RASEF: variants seen among roughly 807,000 people sequenced by gnomAD.
RASEF encodes ras and EF-hand domain-containing protein.
In RASEF, 68 loss-of-function variants were observed where a neutral mutation model predicts 90.1. That is an observed-to-expected ratio of 0.75 (90% confidence interval 0.62 to 0.92). RASEF has a LOEUF of 0.92. Ranked by LOEUF, RASEF falls within the 40% of genes least tolerant of loss-of-function variation. The pLI, the probability that RASEF is intolerant of heterozygous loss-of-function variation, is 0.00. For missense variants in RASEF, 949 were observed against 937.2 expected (o/e 1.01, Z -0.16); for synonymous variants, 331 against 345.2 (o/e 0.96, Z 0.46).
intron 3 of RASEF, among the ~76,000 whole-genome samples, chr9:83,018,564 G>T (rs940734939): frequency 6.6e-6 from 1 of 151,696 alleles, no homozygotes; most frequent in East Asian, 1.9e-4. Context: ...GTTTTTGTTT[G>T]CTTTTTTTTT....
the RASEF span, among the ~76,000 whole-genome samples, chr9:83,157,036 G>C: frequency 4.5e-4 from 68 of 152,284 alleles, no homozygotes; most frequent in Middle Eastern, 6.8e-3. Context: ...TAAAGTCCTA[G>C]ATACAGGAGA....
chr9:83,058,578 C>T (rs1830145339), intron 1 of RASEF, among the ~76,000 whole-genome samples: 1 of 152,186 alleles, frequency 6.6e-6, no homozygotes, highest in South Asian at 2.1e-4. Context: ...AGCAACTACA[C>T]TATTACAAAA....
chr9:83,065,189 A>G (rs535450651), upstream of RASEF, among the ~76,000 whole-genome samples: 1 of 152,320 alleles, frequency 6.6e-6, no homozygotes, highest in East Asian at 1.9e-4. Flanking sequence ...GATATCAGTT[A>G]TTTATCACTG....
At chr9:83,137,735 C>A in the RASEF span, among the ~76,000 whole-genome samples, 1 of 150,278 alleles carries the variant, frequency 6.7e-6, no homozygotes, top group African/African-American at 2.5e-5. Flanking sequence ...AGATGGGAGA[C>A]TGGACATGCA....
chr9:83,060,074 T>C (rs1830178461), intron 1 of RASEF, among the ~76,000 whole-genome samples: 1 of 152,056 alleles, frequency 6.6e-6, no homozygotes, highest in African/African-American at 2.4e-5. Context: ...AACCAAACAT[T>C]TTCCTATTTA....
chr9:83,214,307 C>T, the RASEF span, among the ~76,000 whole-genome samples: 1 of 152,156 alleles, frequency 6.6e-6, no homozygotes, highest in African/African-American at 2.4e-5. Flanking sequence ...TTGCTTAAAA[C>T]CCTAGAGGCA....
chr9:83,066,507 C>T (rs1830283341), upstream of RASEF, among the ~76,000 whole-genome samples: 1 of 152,168 alleles, frequency 6.6e-6, no homozygotes, highest in Non-Finnish European at 1.5e-5. Context: ...ATAGGAGGTG[C>T]TTCTTTTTAT....
At chr9:83,064,119 TTAAG>T (rs1256946835), upstream of RASEF, among the ~76,000 whole-genome samples, 1 of 152,214 alleles carries the variant, frequency 6.6e-6, no homozygotes, top group Non-Finnish European at 1.5e-5. Context: ...AATGTGATCA[TTAAG>T]TAAGGGATAT....
Position 83,007,485 on chromosome 9 carries a change from G to A in RASEF, c.980C>T (p.Ala327Val), listed in dbSNP as rs770820253. The A allele has an allele frequency of 7.4e-6, 12 of 1,612,744 alleles. No homozygotes were observed. The East Asian group carries it at 2.2e-4, about 30-fold the overall frequency. Residue 327 changes from alanine to valine, a missense_variant, in exon 7 of 17, where the codon GCA (alanine) becomes GTA (valine). Physicochemically the swap from Ala to Val is moderately conservative, Grantham distance 64. This residue lies in a region of RASEF where 656 missense variants were observed against 592.2 expected (regional missense o/e 1.11). Transcript: ENST00000376447. ...NTERDLEIIR[A>V]YTEDRNSLER... ...AAGACTATTTCGATCTTCTGTGTATGCTCGGATTATTTCCAGATCCCTGTA... is the reference window on the plus strand; with the variant it reads ...AAGACTATTTCGATCTTCTGTGTATACTCGGATTATTTCCAGATCCCTGTA...
the RASEF span, among the ~76,000 whole-genome samples, chr9:83,089,330 A>G: frequency 6.6e-6 from 1 of 152,098 alleles, no homozygotes; most frequent in Non-Finnish European, 1.5e-5. Flanking sequence ...AAACAAAAAA[A>G]ATTTATACTG....
the RASEF span, among the ~76,000 whole-genome samples, chr9:83,087,405 TTCTCTCTCTC>T: frequency 2.3e-3 from 268 of 115,604 alleles, 2 homozygotes; most frequent in African/African-American, 8.5e-3. Context: ...TTCTCATTCA[TTCTCTCTCTC>T]TCTCTCTCTC....
chr9:83,141,479 G>A, the RASEF span, among the ~76,000 whole-genome samples: 1 of 152,216 alleles, frequency 6.6e-6, no homozygotes, highest in Admixed American at 6.5e-5. Context: ...TTCTGGCTAT[G>A]GCTGAGTGAG....
intron 1 of RASEF, among the ~76,000 whole-genome samples, chr9:83,046,208 C>A (rs1444555616): frequency 6.6e-6 from 1 of 151,986 alleles, no homozygotes; most frequent in African/African-American, 2.4e-5. Flanking sequence ...GCCTAGTACC[C>A]AATAGTTATC....
chr9:83,113,465 A>C, the RASEF span, among the ~76,000 whole-genome samples: 1 of 152,230 alleles, frequency 6.6e-6, no homozygotes, highest in East Asian at 1.9e-4. Context: ...GGAACAAGGG[A>C]AGATAACCAT....
chr9:83,025,814 T>C lies in RASEF; in HGVS notation c.539A>G (p.Gln180Arg), dbSNP rs779212336. 1.2e-6 allele frequency: 2 copies of C among 1,614,074 alleles called. No homozygotes were observed. The highest frequency in any genetic ancestry group is 1.7e-5 in the Admixed American group (1 of 59,998). The stretch of plus-strand genomic sequence containing the variant: ...GGCCAAATTTTCCATTTCTGTGCTT[T>C]GAAGTCTGATCTCACGGATGAAGTT... ...IKNFIREIRL[Q>R]STEMENLAIA... Residue 180 changes from glutamine (Q) to arginine (R), a missense_variant, in exon 2 of 17, where the codon CAA becomes CGA. Gln to Arg is a conservative substitution (Grantham distance 43, BLOSUM62 1). Coordinates refer to ENST00000376447, the MANE Select transcript of RASEF (RefSeq NM_152573.4).
the RASEF span, among the ~76,000 whole-genome samples, chr9:83,187,063 A>G: frequency 6.6e-6 from 1 of 152,144 alleles, no homozygotes; most frequent in African/African-American, 2.4e-5. Context: ...ACTAGAGACC[A>G]TGCCCATAGC....
chr9:83,024,377 G>A (rs995038880), intron 2 of RASEF, among the ~76,000 whole-genome samples: 1 of 152,016 alleles, frequency 6.6e-6, no homozygotes, highest in African/African-American at 2.4e-5. Flanking sequence ...TAGATGGGGG[G>A]CATGTGTATG....
the RASEF span, among the ~76,000 whole-genome samples, chr9:83,110,703 C>T: frequency 6.6e-5 from 10 of 152,160 alleles, no homozygotes; most frequent in Non-Finnish European, 2.9e-5. Flanking sequence ...TAGAAATTGC[C>T]TGTCTTCCCT....
In RASEF at chr9:83,055,444, T is replaced by C. The variant is rs1830085768; in HGVS notation, c.431+6993A>G. On this transcript the variant is annotated intron_variant, in intron 1 of 16. Coordinates refer to ENST00000376447, the MANE Select transcript of RASEF (RefSeq NM_152573.4). ...CACACACTGGCCTGCGCCCACTGTCTCGCACTCCGTAGTGAGATGAACCCG... is the reference window on the plus strand; with the variant it reads ...CACACACTGGCCTGCGCCCACTGTCCCGCACTCCGTAGTGAGATGAACCCG... The C allele has an allele frequency of 1.1e-5, 7 of 633,466 alleles. No individual in the cohort carries two copies. In the East Asian group the frequency reaches 2.1e-4, roughly 19 times the overall value. The allele number at this position is 633,466 out of a possible 1,614,324, so 39.2% of individuals were successfully genotyped here.
Sources: allele counts gnomAD v4.1 joint callset (sites outside exome capture counted in the v4.1 genomes callset), GRCh38; gene constraint gnomAD v4.1.1; regional missense constraint gnomAD v4.1.1; transcripts MANE v1.5; gene names NCBI Gene and HGNC (gene_info 2026-07-23, HGNC 2026-07-21).